CBR4: variants seen among roughly 807,000 people sequenced by gnomAD.
The protein encoded by CBR4 is carbonyl reductase 4.
A neutral mutation model predicts 21.0 loss-of-function variants in CBR4; 22 were observed. That is an observed-to-expected ratio of 1.05 (90% confidence interval 0.75 to 1.50). The LOEUF is 1.50. Ranked by LOEUF, CBR4 falls within the 40% of genes most tolerant of loss-of-function variation. The pLI is 0.00. For missense variants in CBR4, 302 were observed against 286.3 expected (o/e 1.05, Z -0.40); for synonymous variants, 100 against 104.4 (o/e 0.96, Z 0.26).
chr4:168,932,317 T>A (rs1762993244), intron 2 of CBR4, among the ~76,000 whole-genome samples: 2 of 151,024 alleles, frequency 1.3e-5, no homozygotes, highest in African/African-American at 4.9e-5. Context: ...ATCAAGAGCT[T>A]CAACAACAGA....
chr4:168,976,483 T>C (rs991912401), intron 2 of CBR4, among the ~76,000 whole-genome samples: 3 of 152,214 alleles, frequency 2.0e-5, no homozygotes, highest in Non-Finnish European at 4.4e-5. Context: ...GGTGGTGGGA[T>C]TATCATTAGT....
intron 2 of CBR4, chr4:168,896,516 T>C (rs1755208456): frequency 1.6e-6 from 2 of 1,247,500 alleles, no homozygotes; most frequent in African/African-American, 3.0e-5. Flanking sequence ...ATTTCTATTA[T>C]TAGTCTTCAC....
In CBR4 at chr4:168,915,831, A is replaced by G. The variant is rs150201543; in HGVS notation, n.170-21066T>C. On this transcript the variant is annotated intron_variant and non_coding_transcript_variant, in intron 2 of 3. Coordinates refer to the CBR4 transcript ENST00000509108. Reference sequence around the variant, plus strand: ...CCCATGTATTTTAAGAAAACAGATGACTAAAAGTCTGGAAGTAACTACTAT... The same window carrying G: ...CCCATGTATTTTAAGAAAACAGATGGCTAAAAGTCTGGAAGTAACTACTAT... 42 of 1,278,590 alleles carry G rather than the reference A, an allele frequency of 3.3e-5. No homozygotes were observed. In the African/African-American group the frequency reaches 4.8e-4, roughly 15 times the overall value. The allele number at this position is 1,278,590 out of a possible 1,614,324, so 79.2% of individuals were successfully genotyped here.
chr4:168,993,313 C>T (rs113159573), intron 4 of CBR4, among the ~76,000 whole-genome samples: 146 of 151,656 alleles, frequency 9.6e-4, no homozygotes, highest in African/African-American at 3.3e-3. Context: ...TGGGTTCAAG[C>T]GACTCTCCTG....
intron 4 of CBR4, among the ~76,000 whole-genome samples, chr4:168,998,840 G>GC (rs1443418958): frequency 6.6e-6 from 1 of 152,116 alleles, no homozygotes; most frequent in Non-Finnish European, 1.5e-5. Flanking sequence ...TTACACTCAT[G>GC]CCCAGCATGC....
At chr4:168,962,745 G>A (rs549942585) in intron 2 of CBR4, among the ~76,000 whole-genome samples, 3 of 152,144 alleles carry the variant, frequency 2.0e-5, no homozygotes, top group Non-Finnish European at 4.4e-5. Flanking sequence ...TAATGGAAAC[G>A]TGTTGAATAA....
intron 4 of CBR4, among the ~76,000 whole-genome samples, chr4:168,991,874 A>G (rs749367394): frequency 6.6e-6 from 1 of 152,246 alleles, no homozygotes; most frequent in Non-Finnish European, 1.5e-5. Context: ...TGAAGTAAAC[A>G]TTTAATGTGC....
chr4:168,979,902 ACT>A (rs1470060029), intron 2 of CBR4, among the ~76,000 whole-genome samples: 1 of 151,578 alleles, frequency 6.6e-6, no homozygotes, highest in African/African-American at 2.4e-5. Context: ...TGAGTGCCTT[ACT>A]CTCACCTCCA....
intron 2 of CBR4, among the ~76,000 whole-genome samples, chr4:168,969,710 T>A (rs1764147642): frequency 6.6e-6 from 1 of 152,056 alleles, no homozygotes; most frequent in African/African-American, 2.4e-5. Flanking sequence ...AAAACGGACC[T>A]CTCATATTTA....
chr4:168,914,242 T>C (rs1362694430), intron 2 of CBR4, among the ~76,000 whole-genome samples: 1 of 152,216 alleles, frequency 6.6e-6, no homozygotes, highest in East Asian at 1.9e-4. Flanking sequence ...CCCATTCACA[T>C]ATACTATTAG....
Position 169,002,201 on chromosome 4 carries a change from G to C in CBR4, c.405C>G (p.Ser135Arg). ...CAGAGTTGCCTTTTAAGCCAACAAT[G>C]CTTCCTAGGACAAAAAAAAAAAAAA... ...QQGGSIVNVG[S>R]IVGLKGNSGQ... The change falls in exon 4 of 5, where the codon AGC becomes AGG. Residue 135 changes from serine (S) to arginine (R), a missense_variant. By Grantham distance (110) the Ser-to-Arg change is moderately radical. Transcript: ENST00000306193. 1 of 1,051,344 alleles carries C rather than the reference G, an allele frequency of 9.5e-7. No individual in the cohort carries two copies. The highest frequency in any genetic ancestry group is 1.2e-6 in the Non-Finnish European group (1 of 803,292). The allele number at this position is 1,051,344 out of a possible 1,614,324, so 65.1% of individuals were successfully genotyped here.
intron 2 of CBR4, among the ~76,000 whole-genome samples, chr4:168,938,024 C>T (rs1035060174): frequency 2.0e-5 from 3 of 152,188 alleles, no homozygotes; most frequent in Non-Finnish European, 4.4e-5. Flanking sequence ...TTCTCAGCAC[C>T]ATATCACAGT....
At chr4:168,980,908 T>C (rs1316381558) in intron 2 of CBR4, among the ~76,000 whole-genome samples, 7 of 152,220 alleles carry the variant, frequency 4.6e-5, no homozygotes, top group African/African-American at 1.2e-4. Flanking sequence ...AGAGTCTCCT[T>C]ATTTACAAAT....
At chr4:168,953,857 A>T (rs1488614795) in intron 2 of CBR4, among the ~76,000 whole-genome samples, 1 of 152,202 alleles carries the variant, frequency 6.6e-6, no homozygotes, top group East Asian at 1.9e-4. Context: ...CATAGAGAAG[A>T]AAACTTCTAT....
chr4:168,904,918 G>A (rs999787926), intron 2 of CBR4, among the ~76,000 whole-genome samples: 6 of 151,882 alleles, frequency 4.0e-5, no homozygotes, highest in Non-Finnish European at 5.9e-5. Context: ...CCTCAGCCCC[G>A]GAGTTTGAGA....
intron 2 of CBR4, chr4:168,915,849 A>C (rs758126879): frequency 1.9e-5 from 29 of 1,508,314 alleles, no homozygotes; most frequent in Non-Finnish European, 2.7e-5. Context: ...TCTGGAAGTA[A>C]CTACTATCTA....
At chr4:168,896,414 G>A (rs1377163325) in intron 2 of CBR4, 9 of 655,056 alleles carry the variant, frequency 1.4e-5, no homozygotes, top group South Asian at 1.2e-4. Flanking sequence ...GAATGGTTGT[G>A]TGAGTACTCA....
intron 2 of CBR4, among the ~76,000 whole-genome samples, chr4:168,954,204 A>G (rs180825811): frequency 6.6e-6 from 1 of 152,206 alleles, no homozygotes; most frequent in Non-Finnish European, 1.5e-5. Flanking sequence ...AATAAAATAC[A>G]TTTTATTTAA....
At chr4:168,950,660 G>C (rs572952991) in intron 2 of CBR4, among the ~76,000 whole-genome samples, 5 of 152,196 alleles carry the variant, frequency 3.3e-5, no homozygotes, top group African/African-American at 1.2e-4. Flanking sequence ...CTTTCTTGAT[G>C]ACCTGTCTAG....
Sources: gnomAD v4.1 joint callset for allele counts (sites outside exome capture counted in the v4.1 genomes callset) on GRCh38, gnomAD v4.1.1 for gene constraint, MANE v1.5 for transcripts, NCBI Gene and HGNC (gene_info 2026-07-23, HGNC 2026-07-21) for gene names.